COQ9: variants seen among roughly 807,000 people sequenced by gnomAD.
COQ9 encodes the protein coenzyme Q9, also known as ubiquinone biosynthesis protein COQ9, mitochondrial.
In COQ9, 35 loss-of-function variants were observed where a neutral mutation model predicts 42.4. That is an observed-to-expected ratio of 0.83 (90% CI 0.63 to 1.10). The LOEUF (loss-of-function observed/expected upper bound fraction) is 1.10, where lower values mean the gene tolerates loss of function less well. COQ9 is among the 50% of genes least tolerant of loss of function. COQ9 has a pLI of 0.00. For missense variants in COQ9, 406 were observed against 414.6 expected (o/e 0.98, Z 0.18); for synonymous variants, 155 against 155.1 (o/e 1.00, Z 0.00).
At chr16:57,460,458 A>G in intron 8 of COQ9, 131 bp from the exon 9 acceptor site, 6 of 902,680 alleles carry the variant, frequency 6.6e-6, no homozygotes, top group Non-Finnish European at 1.0e-5. Flanking sequence ...CAGTCTGGCC[A>G]ACATAGCAAA....
Position 57,447,495 on chromosome 16 carries a change from C to G in COQ9, c.-11C>G. On this transcript the variant is annotated 5_prime_UTR_variant, in exon 1 of 9. Transcript: ENST00000262507. ...GGTCGCGTCGCCGTGGGCGACGTGC[C>G]CGCTTCCAAAATGGCGGCGGCGGCG... 7.7e-7 allele frequency: 1 copy of G among 1,298,066 alleles called. No individual in the cohort carries two copies. The allele number at this position is 1,298,066 out of a possible 1,614,324, so 80.4% of individuals were successfully genotyped here. A position where few individuals can be genotyped will look rare whatever the true frequency, so the allele number is the denominator to read the frequency against.
intron 1 of COQ9, among the ~76,000 whole-genome samples, chr16:57,450,450 A>G (rs1019597714): frequency 8.5e-5 from 13 of 152,214 alleles, no homozygotes; most frequent in Admixed American, 5.9e-4. Flanking sequence ...TAGAATAAAA[A>G]ATGTTGGGAA....
In COQ9 at chr16:57,451,244, A is replaced by G. The variant is rs370658490; in HGVS notation, c.242+36A>G. The G allele has an allele frequency of 1.9e-6, 3 of 1,594,944 alleles. No homozygotes were observed. In the African/African-American group the frequency reaches 4.0e-5, roughly 21 times the overall value. On this transcript the variant is annotated intron_variant, in intron 2 of 8. Transcript: ENST00000262507. ...ATCCACCTATTTCTGGCCACTTCAT[A>G]TGCTTCATTATGTCTGTTCCTCCTT... is the stretch of plus-strand genomic sequence containing the variant.
At chr16:57,453,368 T>C (rs1299315307) in intron 3 of COQ9, 1 of 289,162 alleles carries the variant, frequency 3.5e-6, no homozygotes, top group African/African-American at 2.2e-5. Context: ...CATATGGTGT[T>C]TGAAAACCCC....
intron 2 of COQ9, 150 bp downstream of exon 2, chr16:57,451,358 G>GAGAAGCCATCACTACA: frequency 1.1e-6 from 1 of 880,810 alleles, no homozygotes; most frequent in Non-Finnish European, 1.8e-6. Flanking sequence ...TTTTTGTAGT[G>GAGAAGCCATCACTACA]ATGGCTTCTC....
intron 4 of COQ9, 32 bp downstream of exon 4, chr16:57,456,678 C>T (rs778602018): frequency 1.9e-6 from 3 of 1,606,976 alleles, no homozygotes; most frequent in Admixed American, 3.4e-5. Context: ...CTCAGGGTGG[C>T]AGCTAAGGAT....
At chr16:57,456,793 G>A (rs2030414104) in intron 4 of COQ9, 138 bp from the exon 5 acceptor site, 1 of 1,323,642 alleles carries the variant, frequency 7.6e-7, no homozygotes, top group African/African-American at 1.4e-5. Context: ...CTGAAACCTG[G>A]CAGCCTGTCT....
chr16:57,447,510 C>T lies in COQ9; in HGVS notation c.5C>T (p.Ala2Val), dbSNP rs2030147526. 11 of 1,301,368 alleles carry T rather than the reference C, an allele frequency of 8.5e-6. No homozygotes were observed. Among genetic ancestry groups the T allele is most frequent in the South Asian group, 2.6e-5 (1 of 39,050 alleles). 80.6% of individuals were successfully genotyped at this position (1,301,368 alleles called of 1,614,324 possible). M[A>V]AAAVSGALGR... ...GGCGACGTGCCCGCTTCCAAAATGG[C>T]GGCGGCGGCGGTATCTGGTGCGCTT... Residue 2 changes from alanine (A) to valine (V), a missense_variant, in exon 1 of 9, where the codon GCG becomes GTG. Transcript: ENST00000262507.
intron 5 of COQ9, 86 bp downstream of exon 5, chr16:57,457,101 AC>A (rs1322398097): frequency 1.0e-6 from 1 of 990,884 alleles, no homozygotes; most frequent in South Asian, 1.3e-5. Context: ...GACTTTGTAC[AC>A]TGTTCAGAAC....
At chr16:57,451,280 C>A in intron 2 of COQ9, 72 bp downstream of exon 2, 1 of 1,460,034 alleles carries the variant, frequency 6.8e-7, no homozygotes, top group Non-Finnish European at 9.6e-7. Context: ...CACTTCCTCT[C>A]TCCTCTCCAT....
chr16:57,451,788 G>A (rs1393774069), intron 2 of COQ9, among the ~76,000 whole-genome samples: 1 of 152,156 alleles, frequency 6.6e-6, no homozygotes, highest in Non-Finnish European at 1.5e-5. Flanking sequence ...GCAAATAGCT[G>A]TGCCAAAATT....
intron 6 of COQ9, among the ~76,000 whole-genome samples, chr16:57,459,069 A>T (rs909483455): frequency 2.0e-5 from 3 of 152,252 alleles, no homozygotes; most frequent in Non-Finnish European, 4.4e-5. Context: ...TCCTCTGAAG[A>T]GTAGTTTGCT....
chr16:57,459,067 A>G lies in COQ9; in HGVS notation c.712-498A>G, dbSNP rs539149177. 9.8e-5 allele frequency among the ~76,000 whole-genome samples: 15 copies of G among 152,352 alleles called. No individual in the cohort carries two copies. The South Asian group carries it at 2.7e-3, about 27-fold the overall frequency. ...CCAAGCAGCTGAGCTGGTCCTCTGA[A>G]GAGTAGTTTGCTAGAACAATCAGAA... is the stretch of plus-strand genomic sequence containing the variant. On this transcript the variant is annotated intron_variant, in intron 6 of 8. Coordinates refer to ENST00000262507, the MANE Select transcript of COQ9 (RefSeq NM_020312.4).
rs2030498472 is a variant in COQ9 at position 57,460,059 on chromosome 16, C to T, written c.876C>T (p.Ser292=). The T allele has an allele frequency of 1.2e-6, 2 of 1,613,920 alleles. No homozygotes were observed. Residue 292 remains serine (S), a synonymous_variant, in exon 8 of 9, where the codon TCC becomes TCT. Coordinates refer to ENST00000262507, the MANE Select transcript of COQ9 (RefSeq NM_020312.4). ...NMGHTAKQVK[S]TGEALVQGLM... ...ACACTGACTCCTTCTAGGTAAAGTC[C>T]ACAGGAGAGGCACTGGTGCAAGGAC... is the stretch of plus-strand genomic sequence containing the variant.
At chr16:57,458,815 C>T (rs1169745151) in intron 6 of COQ9, among the ~76,000 whole-genome samples, 2 of 152,048 alleles carry the variant, frequency 1.3e-5, no homozygotes, top group Non-Finnish European at 2.9e-5. Context: ...GGAAAGAATC[C>T]GACTTGTTAA....
intron 3 of COQ9, chr16:57,454,038 A>C (rs1315264050): frequency 2.0e-5 from 3 of 152,318 alleles, no homozygotes; most frequent in Non-Finnish European, 4.4e-5. Flanking sequence ...AAGTGCTATC[A>C]AGGAAAGGTG....
Position 57,457,236 on chromosome 16 carries a change from G to C in COQ9, c.606+221G>C. 3 of 633,542 alleles carry C rather than the reference G, an allele frequency of 4.7e-6. No individual in the cohort carries two copies. In the Middle Eastern group the frequency reaches 7.4e-4, roughly 156 times the overall value. The allele number at this position is 633,542 out of a possible 1,614,324, so 39.2% of individuals were successfully genotyped here. ...TGTCTCAGTTCTTGGAAATGTGAGT[G>C]GTCCGGGTACTGGATCCCATCCTGG... On this transcript the variant is annotated intron_variant, in intron 5 of 8. Transcript: ENST00000262507.
At chr16:57,455,512 G>C (rs2030382920) in intron 3 of COQ9, among the ~76,000 whole-genome samples, 1 of 151,702 alleles carries the variant, frequency 6.6e-6, no homozygotes, top group Admixed American at 6.6e-5. Context: ...GACATTTAAG[G>C]GGAGAGTAGA....
At chr16:57,450,834 A>C (rs1395279548) in intron 1 of COQ9, 3 of 642,474 alleles carry the variant, frequency 4.7e-6, no homozygotes, top group African/African-American at 1.8e-5. Context: ...TAGGTAGATC[A>C]TTTTTCCTGG....
Sources: gnomAD v4.1 joint callset for allele counts (sites outside exome capture counted in the v4.1 genomes callset) on GRCh38, gnomAD v4.1.1 for gene constraint, MANE v1.5 for transcripts, NCBI Gene and HGNC (gene_info 2026-07-23, HGNC 2026-07-21) for gene names.